BMPR1B: variants seen among roughly 807,000 people sequenced by gnomAD.
BMPR1B encodes bone morphogenetic protein receptor type-1B.
A neutral mutation model predicts 59.1 loss-of-function variants in BMPR1B; 12 were observed. The ratio of observed to expected loss-of-function variants is 0.20; its 90% confidence interval spans 0.13 to 0.33. BMPR1B has a LOEUF of 0.33. BMPR1B is among the 10% of genes least tolerant of loss of function. The pLI is 1.00. For synonymous variants in BMPR1B, 237 were observed against 207.3 expected (o/e 1.14, Z -1.23); for missense variants, 550 against 610.9 (o/e 0.90, Z 1.05).
At chr4:94,943,282 G>A (rs562614669) in intron 2 of BMPR1B, among the ~76,000 whole-genome samples, 47 of 152,228 alleles carry the variant, frequency 3.1e-4, no homozygotes, top group Admixed American at 2.9e-3. Context: ...TGGGATTACA[G>A]GCATGCGCCA....
intron 3 of BMPR1B, among the ~76,000 whole-genome samples, chr4:95,082,571 A>G (rs1006962594): frequency 1.3e-5 from 2 of 152,170 alleles, no homozygotes; most frequent in East Asian, 1.9e-4. Flanking sequence ...CCCAAACTCC[A>G]TAAAGTGTAA....
Position 95,042,095 on chromosome 4 carries a change from A to G in BMPR1B, c.-18+45961A>G, listed in dbSNP as rs190879591. On this transcript the variant is annotated intron_variant, in intron 3 of 12. Transcript: ENST00000515059. ...ATGGTCTCGATCTCCTGACCTCGTG[A>G]TCCACCCGCCTCGGCCTCCCAAAGT... 2.8e-3 allele frequency among the ~76,000 whole-genome samples: 423 copies of G among 152,240 alleles called. 1 individual carries two copies. Among genetic ancestry groups the G allele is most frequent in the Admixed American group, 6.3e-3 (96 of 15,286 alleles).
rs1170711374 is a variant in BMPR1B at position 94,985,333 on chromosome 4, A to G, written c.-112-10707A>G. Among the ~76,000 whole-genome samples, 6 of 152,254 alleles carry G rather than the reference A, an allele frequency of 3.9e-5. 1 individual carries two copies. The highest frequency in any genetic ancestry group is 3.9e-4 in the Admixed American group (6 of 15,290). ...AAAGCTAAGTCTGAATTTCAGTAGG[A>G]ACAGAGGAAAGAAAAGGAGACAAGC... On this transcript the variant is annotated intron_variant, in intron 2 of 12. Transcript: ENST00000515059.
intron 1 of BMPR1B, among the ~76,000 whole-genome samples, chr4:94,795,684 G>T: frequency 6.6e-6 from 1 of 152,024 alleles, no homozygotes; most frequent in Non-Finnish European, 1.5e-5. Context: ...GGCTGGTCTG[G>T]AACTCCTACC....
At chr4:94,958,428 A>G (rs1730236232) in intron 2 of BMPR1B, among the ~76,000 whole-genome samples, 1 of 152,132 alleles carries the variant, frequency 6.6e-6, no homozygotes, top group African/African-American at 2.4e-5. Flanking sequence ...CAAGATGTCC[A>G]TAGGGTTGGG....
At chr4:94,761,148 C>G (rs2110554998) in intron 1 of BMPR1B, among the ~76,000 whole-genome samples, 1 of 152,242 alleles carries the variant, frequency 6.6e-6, no homozygotes, top group African/African-American at 2.4e-5. Flanking sequence ...TAATTAGAAG[C>G]TGTAAGTTTT....
chr4:95,048,058 A>T lies in BMPR1B; in HGVS notation c.-18+51924A>T, dbSNP rs535706674. Among the ~76,000 whole-genome samples, 9 of 152,248 alleles carry T rather than the reference A, an allele frequency of 5.9e-5. No homozygotes were observed. In the South Asian group the frequency reaches 1.9e-3, roughly 32 times the overall value. ...TAAGTGAGAACATGCAATAATAGGG[A>T]TACATCTGTTCCTGTGTTAATCTGC... On this transcript the variant is annotated intron_variant, in intron 3 of 12. Coordinates refer to ENST00000515059, the MANE Select transcript of BMPR1B (RefSeq NM_001203.3).
At chr4:95,147,143 G>GA (rs948457257) in intron 10 of BMPR1B, among the ~76,000 whole-genome samples, 3 of 152,028 alleles carry the variant, frequency 2.0e-5, no homozygotes, top group Admixed American at 6.5e-5. Flanking sequence ...ATTGCACCTA[G>GA]AAAACCACGA....
chr4:95,080,802 C>A, intron 3 of BMPR1B, among the ~76,000 whole-genome samples: 1 of 152,098 alleles, frequency 6.6e-6, no homozygotes, highest in Non-Finnish European at 1.5e-5. Flanking sequence ...TTAAGAATAT[C>A]CTTAATGAAG....
chr4:94,862,944 C>CAAA (rs768809079), intron 1 of BMPR1B, among the ~76,000 whole-genome samples: 6 of 47,250 alleles, frequency 1.3e-4, no homozygotes, highest in Non-Finnish European at 1.7e-4. Context: ...GACTCCGTCT[C>CAAA]AAAAAAAAAA....
At chr4:95,025,817 A>G (rs1724314341) in intron 3 of BMPR1B, among the ~76,000 whole-genome samples, 2 of 152,194 alleles carry the variant, frequency 1.3e-5, no homozygotes, top group Non-Finnish European at 2.9e-5. Context: ...TGGTTTTTTA[A>G]TATCTGTTTA....
At chr4:95,124,265 C>T (rs985284595) in intron 7 of BMPR1B, among the ~76,000 whole-genome samples, 2 of 151,806 alleles carry the variant, frequency 1.3e-5, no homozygotes, top group African/African-American at 4.8e-5. Context: ...TAAGCTATAA[C>T]GTTTCTGATT....
chr4:94,794,373 T>C (rs1336341780), intron 1 of BMPR1B, among the ~76,000 whole-genome samples: 2 of 151,526 alleles, frequency 1.3e-5, no homozygotes, highest in African/African-American at 4.9e-5. Flanking sequence ...GTTCCATTGA[T>C]CTATATCTCT....
At chr4:95,038,052 G>A (rs1045898237) in intron 3 of BMPR1B, among the ~76,000 whole-genome samples, 4 of 152,154 alleles carry the variant, frequency 2.6e-5, no homozygotes, top group African/African-American at 9.7e-5. Context: ...GTTTGGGAAT[G>A]GGGTGGTTGT....
At chr4:95,026,158 C>CTTTCTTTCTTTCTCTT (rs1260196018) in intron 3 of BMPR1B, among the ~76,000 whole-genome samples, 4 of 146,704 alleles carry the variant, frequency 2.7e-5, no homozygotes, top group African/African-American at 5.1e-5. Context: ...TTCTTTCTTT[C>CTTTCTTTCTTTCTCTT]TTTCTCTTTT....
At chr4:94,938,151 C>T (rs1392004796) in intron 2 of BMPR1B, among the ~76,000 whole-genome samples, 3 of 152,154 alleles carry the variant, frequency 2.0e-5, no homozygotes, top group African/African-American at 7.2e-5. Context: ...TCTGAGATCT[C>T]TAGCTAGTCA....
At chr4:94,891,332 T>C (rs1727385733) in intron 2 of BMPR1B, among the ~76,000 whole-genome samples, 1 of 152,094 alleles carries the variant, frequency 6.6e-6, no homozygotes, top group Non-Finnish European at 1.5e-5. Context: ...TGCAGATAAA[T>C]ACTCTTGGAT....
At chr4:95,097,039 TTA>T (rs1730468216) in intron 3 of BMPR1B, among the ~76,000 whole-genome samples, 1 of 145,464 alleles carries the variant, frequency 6.9e-6, no homozygotes, top group African/African-American at 2.5e-5. Flanking sequence ...TATAATATAG[TTA>T]TATACATAAC....
chr4:94,772,643 CAAAT>C (rs1047927129), intron 1 of BMPR1B, among the ~76,000 whole-genome samples: 2 of 152,018 alleles, frequency 1.3e-5, no homozygotes, highest in African/African-American at 4.8e-5. Context: ...TAATTTGTAA[CAAAT>C]AGAAAGCTTC....
Sources: allele counts gnomAD v4.1 joint callset (sites outside exome capture counted in the v4.1 genomes callset), GRCh38; gene constraint gnomAD v4.1.1; transcripts MANE v1.5; gene names NCBI Gene and HGNC (gene_info 2026-07-23, HGNC 2026-07-21).